SBF2: variants seen among roughly 807,000 people sequenced by gnomAD.
The protein encoded by SBF2 is myotubularin-related protein 13.
A neutral mutation model predicts 225.2 loss-of-function variants in SBF2; 112 were observed. That is an observed-to-expected ratio of 0.50 (90% CI 0.43 to 0.58). SBF2 has a LOEUF of 0.58. Ranked by LOEUF, SBF2 falls within the 20% of genes least tolerant of loss-of-function variation. The probability of loss-of-function intolerance (pLI) is 0.00; values close to 1 mark genes in which losing one functional copy is unlikely to be tolerated. For missense variants in SBF2, 1,996 were observed against 2,206.2 expected (o/e 0.90, Z 1.91); for synonymous variants, 763 against 773.3 (o/e 0.99, Z 0.22).
intron 2 of SBF2, among the ~76,000 whole-genome samples, chr11:10,156,449 C>A (rs990504936): frequency 1.3e-5 from 2 of 152,294 alleles, no homozygotes; most frequent in Admixed American, 1.3e-4. Flanking sequence ...TCGGTGAAAC[C>A]CCCACCTTCA....
intron 1 of SBF2, among the ~76,000 whole-genome samples, chr11:10,215,866 T>A (rs1958110456): frequency 1.3e-5 from 2 of 152,260 alleles, no homozygotes. Flanking sequence ...AATTTCCATC[T>A]GACTTACCAA....
chr11:10,083,025 T>C (rs1283034177), intron 2 of SBF2, among the ~76,000 whole-genome samples: 2 of 152,148 alleles, frequency 1.3e-5, no homozygotes, highest in Non-Finnish European at 2.9e-5. Context: ...AATGAATTCA[T>C]TAAAGTTTCA....
At chr11:10,095,955 C>A (rs1952001241) in intron 2 of SBF2, among the ~76,000 whole-genome samples, 1 of 152,138 alleles carries the variant, frequency 6.6e-6, no homozygotes, top group Non-Finnish European at 1.5e-5. Flanking sequence ...TTTATTTCAA[C>A]CTGCCATTGC....
rs529149364 is a variant in SBF2 at position 10,006,393 on chromosome 11, C to A, written c.620-3704G>T. Among the ~76,000 whole-genome samples, 9 of 152,306 alleles carry A rather than the reference C, an allele frequency of 5.9e-5. No homozygotes were observed. The South Asian group carries it at 1.9e-3, about 32-fold the overall frequency. Reference sequence around the variant, plus strand: ...AGACACTAATTGGATCCCCAGTCAGCTCCTTATGACTTACCATATGCTTTT... The same window carrying A: ...AGACACTAATTGGATCCCCAGTCAGATCCTTATGACTTACCATATGCTTTT... On this transcript the variant is annotated intron_variant, in intron 6 of 39. Transcript: ENST00000256190.
intron 30 of SBF2, chr11:9,809,287 A>C (rs1240481508): frequency 2.9e-6 from 1 of 345,780 alleles, no homozygotes; most frequent in Non-Finnish European, 5.4e-6. Context: ...GCAACATAGT[A>C]AGACCCCATC....
chr11:9,805,730 C>G (rs978818445), intron 32 of SBF2, among the ~76,000 whole-genome samples: 11 of 152,164 alleles, frequency 7.2e-5, no homozygotes, highest in African/African-American at 2.7e-4. Flanking sequence ...TCAAGCGATT[C>G]TCCTGCTTCA....
intron 16 of SBF2, among the ~76,000 whole-genome samples, chr11:9,946,516 T>C (rs981196000): frequency 6.6e-6 from 1 of 151,536 alleles, no homozygotes; most frequent in Non-Finnish European, 1.5e-5. Flanking sequence ...AGTGGTGCGA[T>C]CTCGGCTCAT....
intron 2 of SBF2, among the ~76,000 whole-genome samples, chr11:10,173,800 G>A (rs1162567604): frequency 6.7e-5 from 10 of 149,636 alleles, no homozygotes; most frequent in East Asian, 6.3e-4. Context: ...CTCCCAGCAC[G>A]CAGCTGGAGA....
chr11:10,256,723 C>T (rs1047430738), intron 1 of SBF2, among the ~76,000 whole-genome samples: 29 of 152,166 alleles, frequency 1.9e-4, no homozygotes, highest in African/African-American at 6.8e-4. Context: ...ATACACAATA[C>T]TCCTTTCACA....
chr11:10,079,389 T>C (rs1951266684), intron 2 of SBF2, among the ~76,000 whole-genome samples: 1 of 152,194 alleles, frequency 6.6e-6, no homozygotes, highest in Admixed American at 6.5e-5. Context: ...CATCCCCCTA[T>C]TTATCTATAA....
chr11:9,819,694 G>C (rs1037940238), intron 28 of SBF2, among the ~76,000 whole-genome samples: 3 of 152,142 alleles, frequency 2.0e-5, no homozygotes, highest in African/African-American at 7.2e-5. Context: ...GGAATACATT[G>C]GTCCTCATAT....
intron 13 of SBF2, among the ~76,000 whole-genome samples, chr11:9,971,919 T>A (rs868784270): frequency 6.6e-6 from 1 of 152,082 alleles, no homozygotes; most frequent in Admixed American, 6.6e-5. Flanking sequence ...TAGTGAAGGG[T>A]TAAAAGGATG....
intron 1 of SBF2, among the ~76,000 whole-genome samples, chr11:10,288,453 C>T (rs953867409): frequency 6.6e-6 from 1 of 152,014 alleles, no homozygotes; most frequent in Non-Finnish European, 1.5e-5. Context: ...GCAGGTCACC[C>T]CAGCAAGTAT....
chr11:9,994,143 T>A, intron 9 of SBF2, 145 bp from the exon 10 acceptor site: 2 of 723,042 alleles, frequency 2.8e-6, no homozygotes. Context: ...GTTCTATATG[T>A]ACTATTGTAG....
chr11:9,976,758 T>TTTG (rs944418618), intron 13 of SBF2, among the ~76,000 whole-genome samples: 1 of 151,816 alleles, frequency 6.6e-6, no homozygotes, highest in Non-Finnish European at 1.5e-5. Flanking sequence ...TTTCTTTTTT[T>TTTG]TTGTTGTTGT....
At chr11:9,913,643 A>AAAAATAAAATAAAAT (rs142122670) in intron 16 of SBF2, among the ~76,000 whole-genome samples, 9,389 of 144,732 alleles carry the variant, frequency 0.065, 447 homozygotes, top group East Asian at 0.24. Flanking sequence ...CTGAGATTAA[A>AAAAATAAAATAAAAT]AAAATAAAAT....
chr11:9,900,642 G>A (rs1861648228), intron 16 of SBF2, among the ~76,000 whole-genome samples: 1 of 152,148 alleles, frequency 6.6e-6, no homozygotes, highest in South Asian at 2.1e-4. Context: ...TTCTATAGAA[G>A]TAACTTGCCT....
intron 16 of SBF2, among the ~76,000 whole-genome samples, chr11:9,916,521 T>C (rs7939269): frequency 0.19 from 28,168 of 151,962 alleles, 2,967 homozygotes; most frequent in Non-Finnish European, 0.23. Context: ...GTGGTCAGGA[T>C]AGTAACATGA....
intron 28 of SBF2, among the ~76,000 whole-genome samples, chr11:9,820,736 C>T (rs576099068): frequency 2.6e-5 from 4 of 152,100 alleles, no homozygotes; most frequent in African/African-American, 2.4e-5. Flanking sequence ...CACATTGTGT[C>T]GATTATCTGT....
Sources: allele counts gnomAD v4.1 joint callset (sites outside exome capture counted in the v4.1 genomes callset), GRCh38; gene constraint gnomAD v4.1.1; transcripts MANE v1.5; gene names NCBI Gene and HGNC (gene_info 2026-07-23, HGNC 2026-07-21).